PTPN3: variants seen among roughly 807,000 people sequenced by gnomAD.
PTPN3 encodes protein tyrosine phosphatase non-receptor type 3.
A neutral mutation model predicts 132.7 loss-of-function variants in PTPN3; 96 were observed. The observed-to-expected ratio is 0.72, with a 90% confidence interval of 0.61 to 0.86. The LOEUF (loss-of-function observed/expected upper bound fraction) is 0.86, where lower values mean the gene tolerates loss of function less well. Ranked by LOEUF, PTPN3 falls within the 40% of genes least tolerant of loss-of-function variation. PTPN3 has a pLI of 0.00. For missense variants in PTPN3, 1,125 were observed against 1,159.6 expected (o/e 0.97, Z 0.43); for synonymous variants, 398 against 429.0 (o/e 0.93, Z 0.89).
At chr9:109,388,762 GA>G (rs1284156744) in intron 22 of PTPN3, among the ~76,000 whole-genome samples, 23 of 152,218 alleles carry the variant, frequency 1.5e-4, no homozygotes, top group Non-Finnish European at 2.9e-4. Context: ...GGAGAAGAAT[GA>G]CCTTCCTGCT....
intron 1 of PTPN3, among the ~76,000 whole-genome samples, chr9:109,484,288 T>C (rs1847103838): frequency 6.6e-6 from 1 of 152,204 alleles, no homozygotes; most frequent in Admixed American, 6.5e-5. Context: ...CACGGGATCA[T>C]CACACGACCT....
chr9:109,381,007 C>A (rs12336101), intron 25 of PTPN3, among the ~76,000 whole-genome samples: 120,423 of 151,956 alleles, frequency 0.79, 48,243 homozygotes, highest in African/African-American at 0.92. Context: ...TCTCTGCACC[C>A]TTCTTTGTCA....
At position 109,382,370 on chromosome 9, in the gene PTPN3, G is replaced by A; in HGVS notation, c.2460C>T (p.Asp820=). ...TCACATAGTTTACAAATTCCAGAAA[G>A]TCGGAGGAGTCATCGGGCACACCGT... ...PDHGVPDDSS[D]FLEFVNYVRS... The change falls in exon 24 of 26, where the codon GAC becomes GAT. Residue 820 remains aspartate (D), a synonymous_variant. Coordinates refer to ENST00000374541, the MANE Select transcript of PTPN3 (RefSeq NM_002829.4). 1 of 1,614,136 alleles carries A rather than the reference G, an allele frequency of 6.2e-7. No homozygotes were observed. Among genetic ancestry groups the A allele is most frequent in the Non-Finnish European group, 8.5e-7 (1 of 1,179,970 alleles).
intron 7 of PTPN3, among the ~76,000 whole-genome samples, chr9:109,441,388 T>C (rs990153576): frequency 6.6e-6 from 1 of 152,188 alleles, no homozygotes; most frequent in African/African-American, 2.4e-5. Context: ...CTGCTATTCA[T>C]TCAACTCCAA....
chr9:109,537,183 A>G, the PTPN3 span, among the ~76,000 whole-genome samples: 1 of 152,208 alleles, frequency 6.6e-6, no homozygotes, highest in Non-Finnish European at 1.5e-5. Flanking sequence ...TTGTGCAAAA[A>G]GTATTTTTCC....
chr9:109,538,253 G>A, the PTPN3 span, among the ~76,000 whole-genome samples: 1 of 152,194 alleles, frequency 6.6e-6, no homozygotes, highest in Non-Finnish European at 1.5e-5. Context: ...GATGCCCACA[G>A]GATAATCCCT....
the PTPN3 span, among the ~76,000 whole-genome samples, chr9:109,519,799 C>G: frequency 2.6e-5 from 4 of 152,182 alleles, no homozygotes; most frequent in African/African-American, 4.8e-5. Context: ...ACCCTGACAG[C>G]CTTGTGAGGT....
intron 16 of PTPN3, among the ~76,000 whole-genome samples, chr9:109,408,865 T>TTATA (rs71372566): frequency 0.48 from 63,817 of 132,702 alleles, 15,881 homozygotes; most frequent in South Asian, 0.71. Context: ...TATATGGGCT[T>TTATA]TATATATATA....
chr9:109,411,233 GTTC>G, intron 14 of PTPN3, among the ~76,000 whole-genome samples: 1 of 152,302 alleles, frequency 6.6e-6, no homozygotes, highest in East Asian at 1.9e-4. Flanking sequence ...GTGGTCATTT[GTTC>G]TAACTCCCAG....
intron 6 of PTPN3, among the ~76,000 whole-genome samples, chr9:109,447,526 T>G (rs1171691067): frequency 6.6e-6 from 1 of 152,094 alleles, no homozygotes; most frequent in Non-Finnish European, 1.5e-5. Context: ...CATTCCTACC[T>G]TGAATGGCAG....
chr9:109,482,108 C>T lies in PTPN3; in HGVS notation c.-18+16111G>A, dbSNP rs1846988093. ...CAACTAATGCGCGCAGGGATTACAC[C>T]TGCACTTTTAGAAGGCTTGTGTCAG... On this transcript the variant is annotated intron_variant, in intron 1 of 25. Transcript: ENST00000374541. Among the ~76,000 whole-genome samples, 3 of 152,248 alleles carry T rather than the reference C, an allele frequency of 2.0e-5. No homozygotes were observed. The South Asian group carries it at 6.2e-4, about 32-fold the overall frequency.
At chr9:109,526,568 G>A in the PTPN3 span, among the ~76,000 whole-genome samples, 3 of 152,046 alleles carry the variant, frequency 2.0e-5, no homozygotes, top group Non-Finnish European at 4.4e-5. Context: ...CCAGCTATGT[G>A]GGAGGCTGAG....
At chr9:109,390,109 T>C (rs1839934502) in intron 21 of PTPN3, among the ~76,000 whole-genome samples, 2 of 152,222 alleles carry the variant, frequency 1.3e-5, no homozygotes, top group Admixed American at 6.5e-5. Flanking sequence ...CCTGGGATTA[T>C]ATGAAAAGAC....
intron 5 of PTPN3, chr9:109,449,580 C>T: frequency 3.0e-6 from 3 of 985,450 alleles, no homozygotes; most frequent in Non-Finnish European, 3.6e-6. Context: ...GGAAAGGAGG[C>T]CTTCGGCAGC....
the PTPN3 span, among the ~76,000 whole-genome samples, chr9:109,538,250 A>G: frequency 6.6e-6 from 1 of 152,240 alleles, no homozygotes; most frequent in Non-Finnish European, 1.5e-5. Context: ...GAGGATGCCC[A>G]CAGGATAATC....
chr9:109,398,181 C>T (rs561562526), intron 19 of PTPN3, among the ~76,000 whole-genome samples: 39 of 152,160 alleles, frequency 2.6e-4, no homozygotes, highest in African/African-American at 6.7e-4. Flanking sequence ...AGCCAAGGCA[C>T]GAGAATCACT....
intron 1 of PTPN3, among the ~76,000 whole-genome samples, chr9:109,489,869 C>T (rs1032209371): frequency 6.6e-6 from 1 of 152,054 alleles, no homozygotes; most frequent in Non-Finnish European, 1.5e-5. Context: ...AACCTGTATA[C>T]AGTATGACTG....
At chr9:109,391,057 T>C (rs1226870508) in intron 21 of PTPN3, 81 bp downstream of exon 21, 1 of 1,319,546 alleles carries the variant, frequency 7.6e-7, no homozygotes, top group African/African-American at 1.5e-5. Context: ...CTGTGTCAAC[T>C]GCAAAGCCCC....
At chr9:109,518,051 C>T in the PTPN3 span, among the ~76,000 whole-genome samples, 2 of 152,302 alleles carry the variant, frequency 1.3e-5, no homozygotes, top group African/African-American at 2.4e-5. Context: ...GGGGTGGTTA[C>T]GGCTTCCTGC....
Sources: gnomAD v4.1 joint callset for allele counts (sites outside exome capture counted in the v4.1 genomes callset) on GRCh38, gnomAD v4.1.1 for gene constraint, MANE v1.5 for transcripts, NCBI Gene and HGNC (gene_info 2026-07-23, HGNC 2026-07-21) for gene names.